COL21A1: variants seen among roughly 807,000 people sequenced by gnomAD.
COL21A1 encodes the protein collagen type XXI alpha 1 chain.
A neutral mutation model predicts 137.9 loss-of-function variants in COL21A1; 149 were observed. The observed-to-expected ratio is 1.08, with a 90% CI of 0.95 to 1.24. The LOEUF (loss-of-function observed/expected upper bound fraction) is 1.24. Among genes scored for constraint, COL21A1 ranks in the 50% most tolerant of loss-of-function variants. COL21A1 has a pLI of 0.00. For synonymous variants in COL21A1, 456 were observed against 391.5 expected (o/e 1.16, Z -1.95); for missense variants, 1,167 against 1,158.4 (o/e 1.01, Z -0.11).
chr6:56,359,183 C>T (rs557532058), intron 1 of COL21A1, among the ~76,000 whole-genome samples: 1 of 152,270 alleles, frequency 6.6e-6, no homozygotes, highest in South Asian at 2.1e-4. Flanking sequence ...ATAATATTTT[C>T]TGAAAACAAT....
chr6:56,204,483 G>C (rs1467691873), intron 1 of COL21A1, among the ~76,000 whole-genome samples: 1 of 152,134 alleles, frequency 6.6e-6, no homozygotes, highest in African/African-American at 2.4e-5. Context: ...ACCCCAGCCA[G>C]GGTCTGATAA....
chr6:56,060,088 A>T lies in COL21A1; in HGVS notation c.2538T>A (p.Gly846=). ...CAGGAACACCATCTCTTCCTGGCAA[A>T]CCAGGTAATCCTCTGGGACCCTCTG... The part of the protein sequence containing the change: ...IGPEGPRGLP[G]LPGRDGVPGL... Residue 846 remains glycine, a synonymous_variant, in exon 28 of 30, where the codon GGT becomes GGA. Transcript: ENST00000244728. 6.2e-7 allele frequency: 1 copy of T among 1,610,280 alleles called. No homozygotes were observed. The highest frequency in any genetic ancestry group is 8.5e-7 in the Non-Finnish European group (1 of 1,178,832).
intron 1 of COL21A1, among the ~76,000 whole-genome samples, chr6:56,325,939 A>C (rs1238470900): frequency 1.7e-4 from 2 of 11,808 alleles, no homozygotes; most frequent in African/African-American, 1.1e-3. Context: ...TATAATATAT[A>C]TTATATATTA....
intron 1 of COL21A1, among the ~76,000 whole-genome samples, chr6:56,283,515 T>A (rs911487028): frequency 1.3e-5 from 2 of 152,308 alleles, no homozygotes; most frequent in African/African-American, 2.4e-5. Context: ...ATTCTTATTC[T>A]CTTCTTCAAC....
At chr6:56,108,064 G>A (rs1272683969) in intron 16 of COL21A1, among the ~76,000 whole-genome samples, 2 of 151,618 alleles carry the variant, frequency 1.3e-5, no homozygotes, top group Admixed American at 6.6e-5. Flanking sequence ...ATTCTGAAAC[G>A]GATATTTACA....
intron 9 of COL21A1, among the ~76,000 whole-genome samples, chr6:56,158,751 A>G (rs1032678908): frequency 6.6e-6 from 1 of 152,166 alleles, no homozygotes; most frequent in Non-Finnish European, 1.5e-5. Context: ...TCTAATAAGG[A>G]ACCAATAAAG....
At chr6:56,148,338 C>CAGAGAGAGAG (rs150898619) in intron 10 of COL21A1, among the ~76,000 whole-genome samples, 8,674 of 133,170 alleles carry the variant, frequency 0.065, 397 homozygotes, top group Admixed American at 0.11. Context: ...AGACAAGAGA[C>CAGAGAGAGAG]AGAGAGAGAG....
At chr6:56,215,361 C>A (rs1216396084) in intron 1 of COL21A1, among the ~76,000 whole-genome samples, 5 of 152,044 alleles carry the variant, frequency 3.3e-5, no homozygotes, top group African/African-American at 1.2e-4. Flanking sequence ...TCTCTTTGGA[C>A]ACCCTTCTGA....
At chr6:56,084,927 T>A (rs12202221) in intron 17 of COL21A1, among the ~76,000 whole-genome samples, 10,915 of 152,106 alleles carry the variant, frequency 0.072, 433 homozygotes, top group Middle Eastern at 0.12. Flanking sequence ...TTTCATGCCT[T>A]GGGAGTTATT....
chr6:56,106,825 C>T (rs921491895), intron 16 of COL21A1, among the ~76,000 whole-genome samples: 17 of 151,814 alleles, frequency 1.1e-4, no homozygotes, highest in African/African-American at 2.4e-4. Flanking sequence ...TTCGCTCTGT[C>T]GCCCAGGCTG....
At chr6:56,295,332 C>T (rs1764139607) in intron 1 of COL21A1, among the ~76,000 whole-genome samples, 1 of 152,026 alleles carries the variant, frequency 6.6e-6, no homozygotes, top group African/African-American at 2.4e-5. Flanking sequence ...CAGTACCACA[C>T]TGTTTTGAAT....
chr6:56,212,822 G>T (rs538129616), intron 1 of COL21A1, among the ~76,000 whole-genome samples: 2 of 152,002 alleles, frequency 1.3e-5, no homozygotes, highest in African/African-American at 4.8e-5. Flanking sequence ...TTATATAATA[G>T]TTTATTGGAG....
chr6:56,223,383 T>C (rs947983713), intron 1 of COL21A1, among the ~76,000 whole-genome samples: 5 of 152,146 alleles, frequency 3.3e-5, no homozygotes, highest in Admixed American at 3.3e-4. Context: ...CCATAAGTAA[T>C]ATCCTTCATT....
intron 1 of COL21A1, among the ~76,000 whole-genome samples, chr6:56,277,193 G>A (rs1763686310): frequency 6.6e-6 from 1 of 152,052 alleles, no homozygotes; most frequent in Non-Finnish European, 1.5e-5. Context: ...TGTGCACAAT[G>A]TGCAGGTTTA....
chr6:56,104,368 T>C (rs1008490786), intron 16 of COL21A1, among the ~76,000 whole-genome samples: 1 of 152,192 alleles, frequency 6.6e-6, no homozygotes, highest in South Asian at 2.1e-4. Context: ...TACAAGATAA[T>C]GGCCAGTCAT....
At chr6:56,214,082 G>T (rs1304128666) in intron 1 of COL21A1, among the ~76,000 whole-genome samples, 1 of 152,064 alleles carries the variant, frequency 6.6e-6, no homozygotes, top group African/African-American at 2.4e-5. Flanking sequence ...AGCTAAATGT[G>T]AATATTTGTA....
At chr6:56,202,161 A>G (rs1318688753) in intron 1 of COL21A1, among the ~76,000 whole-genome samples, 4 of 152,188 alleles carry the variant, frequency 2.6e-5, no homozygotes, top group Non-Finnish European at 4.4e-5. Context: ...TTCCAAAGAA[A>G]GATATATTTT....
intron 1 of COL21A1, among the ~76,000 whole-genome samples, chr6:56,334,286 T>C (rs1464895564): frequency 6.6e-6 from 1 of 151,962 alleles, no homozygotes; most frequent in East Asian, 1.9e-4. Flanking sequence ...GAAACCCAAG[T>C]TCTTAGGCTG....
Position 56,325,663 on chromosome 6 carries a change from A to ATATAT in COL21A1, c.-39+68307_-39+68308insATATA, listed in dbSNP as rs1491368071. On this transcript the variant is annotated intron_variant, in intron 1 of 28. Coordinates refer to the COL21A1 transcript ENST00000370819. ...TATATAATATAATATATTATATATT[A>ATATAT]AATATATTATATATAATAGATAATA... is the stretch of plus-strand genomic sequence containing the variant. 0.014 allele frequency among the ~76,000 whole-genome samples: 4 copies of ATATAT among 294 alleles called. 1 individual carries two copies. The Non-Finnish European group carries it at 0.14, about 11-fold the overall frequency. The allele number at this position is 294 out of a possible 152,430, so 0.2% of individuals were successfully genotyped here.
Sources: allele counts gnomAD v4.1 joint callset (sites outside exome capture counted in the v4.1 genomes callset), GRCh38; gene constraint gnomAD v4.1.1; transcripts MANE v1.5; gene names NCBI Gene and HGNC (gene_info 2026-07-23, HGNC 2026-07-21).